The following PLEKHA5 variants were observed in gnomAD, a reference collection of about 807,000 sequenced individuals.
PLEKHA5 encodes pleckstrin homology domain containing A5.
A neutral mutation model predicts 181.9 loss-of-function variants in PLEKHA5; 55 were observed. The ratio of observed to expected loss-of-function variants is 0.30; its 90% CI spans 0.24 to 0.38. The LOEUF is 0.38. Ranked by LOEUF, PLEKHA5 falls within the 10% of genes least tolerant of loss-of-function variation. The pLI, the probability that PLEKHA5 is intolerant of heterozygous loss-of-function variation, is 1.00. For missense variants in PLEKHA5, 1,432 were observed against 1,549.5 expected (o/e 0.92, Z 1.27); for synonymous variants, 535 against 529.4 (o/e 1.01, Z -0.15).
At chr12:19,149,218 C>T (rs2039720973) in intron 3 of PLEKHA5, among the ~76,000 whole-genome samples, 1 of 151,928 alleles carries the variant, frequency 6.6e-6, no homozygotes, top group South Asian at 2.1e-4. Context: ...CTATGACAAA[C>T]CATTCAAAAA....
intron 3 of PLEKHA5, among the ~76,000 whole-genome samples, chr12:19,166,868 C>T (rs1375738351): frequency 6.6e-6 from 1 of 152,110 alleles, no homozygotes; most frequent in African/African-American, 2.4e-5. Flanking sequence ...TATAGTCCAC[C>T]TTATATTTGT....
chr12:19,359,580 G>A (rs1001191984), intron 28 of PLEKHA5, 34 bp downstream of exon 28: 3 of 1,595,224 alleles, frequency 1.9e-6, no homozygotes, highest in Non-Finnish European at 2.6e-6. Context: ...GTATTCCAAA[G>A]GAATAGATTT....
chr12:19,235,950 C>T (rs1298127060), intron 3 of PLEKHA5, among the ~76,000 whole-genome samples: 2 of 152,088 alleles, frequency 1.3e-5, no homozygotes, highest in African/African-American at 4.8e-5. Flanking sequence ...ATGTTGAAAA[C>T]ATGCACGTGT....
intron 11 of PLEKHA5, among the ~76,000 whole-genome samples, chr12:19,279,733 C>T (rs553794235): frequency 1.3e-5 from 2 of 151,848 alleles, no homozygotes; most frequent in African/African-American, 2.4e-5. Flanking sequence ...TACCCTGCCC[C>T]CAATATTCTG....
chr12:19,287,434 A>C (rs748226293), intron 12 of PLEKHA5, 39 bp from the exon 13 acceptor site: 1 of 1,261,994 alleles, frequency 7.9e-7, no homozygotes, highest in South Asian at 1.3e-5. Context: ...GAAAAAAAAA[A>C]CTTTACCACA....
At chr12:19,164,715 T>C (rs753017575) in intron 3 of PLEKHA5, among the ~76,000 whole-genome samples, 26 of 152,264 alleles carry the variant, frequency 1.7e-4, no homozygotes, top group Non-Finnish European at 3.7e-4. Context: ...CTTGCTTGCT[T>C]ATATCCTTAA....
At chr12:19,202,698 A>G (rs752523078) in intron 3 of PLEKHA5, among the ~76,000 whole-genome samples, 4 of 152,108 alleles carry the variant, frequency 2.6e-5, no homozygotes, top group Non-Finnish European at 5.9e-5. Flanking sequence ...CTGGGTGATA[A>G]TGATGTGATA....
chr12:19,282,073 C>T (rs1471477298), intron 11 of PLEKHA5, among the ~76,000 whole-genome samples: 2 of 152,136 alleles, frequency 1.3e-5, no homozygotes, highest in Admixed American at 6.5e-5. Context: ...TGAGCCACTG[C>T]GCCCGGCCCA....
chr12:19,316,429 AG>A (rs139190209), intron 16 of PLEKHA5, among the ~76,000 whole-genome samples: 22 of 151,214 alleles, frequency 1.5e-4, no homozygotes, highest in South Asian at 4.2e-4. Context: ...GGAAGGGCTG[AG>A]GGGGGGGAAA....
chr12:19,216,187 T>G (rs2057946377), intron 3 of PLEKHA5, among the ~76,000 whole-genome samples: 1 of 152,234 alleles, frequency 6.6e-6, no homozygotes. Flanking sequence ...GGTTTTTATT[T>G]AGGAACACTG....
At chr12:19,169,978 A>G (rs1221453442) in intron 3 of PLEKHA5, among the ~76,000 whole-genome samples, 3 of 152,238 alleles carry the variant, frequency 2.0e-5, no homozygotes, top group Non-Finnish European at 2.9e-5. Flanking sequence ...AAAAGGCAAT[A>G]TATAAGAGAA....
At chr12:19,366,921 CT>C (rs544388823) in intron 30 of PLEKHA5, among the ~76,000 whole-genome samples, 7 of 151,496 alleles carry the variant, frequency 4.6e-5, no homozygotes, top group South Asian at 2.1e-4. Flanking sequence ...CAAATCTTTT[CT>C]TTTTTTTTCC....
intron 3 of PLEKHA5, among the ~76,000 whole-genome samples, chr12:19,140,347 G>A (rs927211473): frequency 7.2e-5 from 11 of 152,136 alleles, no homozygotes; most frequent in African/African-American, 2.7e-4. Context: ...AGTGAATGTA[G>A]ACTAAATTTT....
Position 19,291,647 on chromosome 12 carries a change from G to A in PLEKHA5, c.1987G>A (p.Glu663Lys). The A allele has an allele frequency of 6.6e-7, 1 of 1,510,952 alleles. No homozygotes were observed. The highest frequency in any genetic ancestry group is 8.9e-7 in the Non-Finnish European group (1 of 1,125,716). The allele number at this position is 1,510,952 out of a possible 1,614,324, so 93.6% of individuals were successfully genotyped here. ...TTTCTTAATTGGTGCCTACTAGAAT[G>A]AAATTCTTTCACATCATCTCCAAAG... ...LKLEAHSPKNEILSHHLQRNT... is the reference protein window; with the variant it reads ...LKLEAHSPKNKILSHHLQRNT... Residue 663 changes from glutamate to lysine, a missense_variant, in exon 15 of 32, where the codon GAA becomes AAA. Glu to Lys is a moderately conservative substitution (Grantham distance 56, BLOSUM62 1). Transcript: ENST00000429027.
intron 3 of PLEKHA5, among the ~76,000 whole-genome samples, chr12:19,245,975 CTTTTTT>C (rs765435105): frequency 2.2e-5 from 3 of 136,984 alleles, no homozygotes; most frequent in African/African-American, 8.0e-5. Context: ...CATTTACTGC[CTTTTTT>C]TTTTTTTTCC....
intron 3 of PLEKHA5, among the ~76,000 whole-genome samples, chr12:19,176,036 G>A (rs542901744): frequency 6.6e-6 from 1 of 152,152 alleles, no homozygotes; most frequent in African/African-American, 2.4e-5. Flanking sequence ...TCTGGGTCTA[G>A]ATGTTAAAAA....
chr12:19,129,919 CG>C, intron 1 of PLEKHA5, 31 bp downstream of exon 1: 1 of 1,570,966 alleles, frequency 6.4e-7, no homozygotes, highest in Non-Finnish European at 8.7e-7. Flanking sequence ...CGGGGGCCCG[CG>C]GGGGCGGGAG....
At chr12:19,342,298 C>G (rs1033123234) in intron 21 of PLEKHA5, among the ~76,000 whole-genome samples, 12 of 152,036 alleles carry the variant, frequency 7.9e-5, no homozygotes, top group African/African-American at 2.9e-4. Flanking sequence ...CAGAGAAAAC[C>G]AATGTAATCT....
chr12:19,162,462 A>G (rs1341121586), intron 3 of PLEKHA5, among the ~76,000 whole-genome samples: 3 of 152,106 alleles, frequency 2.0e-5, no homozygotes, highest in Non-Finnish European at 4.4e-5. Flanking sequence ...GATATTCTCT[A>G]TTTTATGGAT....
Sources: gnomAD v4.1 joint callset for allele counts (sites outside exome capture counted in the v4.1 genomes callset) on GRCh38, gnomAD v4.1.1 for gene constraint, MANE v1.5 for transcripts, NCBI Gene and HGNC (gene_info 2026-07-23, HGNC 2026-07-21) for gene names.